The following NEK4 variants were observed in gnomAD, a reference collection of about 807,000 sequenced individuals.
NEK4 encodes the protein serine/threonine-protein kinase Nek4.
A neutral mutation model predicts 98.4 loss-of-function variants in NEK4; 86 were observed. That is an observed-to-expected ratio of 0.87 (90% CI 0.73 to 1.05). The LOEUF is 1.05. NEK4 is among the 50% of genes least tolerant of loss of function. The probability of loss-of-function intolerance (pLI) is 0.00; values close to 1 mark genes in which losing one functional copy is unlikely to be tolerated. For synonymous variants in NEK4, 328 were observed against 342.2 expected (o/e 0.96, Z 0.46); for missense variants, 898 against 950.3 (o/e 0.94, Z 0.72).
At chr3:52,759,044 T>C (rs1172365225) in intron 6 of NEK4, among the ~76,000 whole-genome samples, 1 of 148,062 alleles carries the variant, frequency 6.8e-6, no homozygotes, top group Non-Finnish European at 1.5e-5. Flanking sequence ...TGAGCTATGA[T>C]GATGCCACTA....
intron 4 of NEK4, among the ~76,000 whole-genome samples, chr3:52,764,286 A>C (rs77755210): frequency 7.9e-6 from 1 of 126,962 alleles, no homozygotes. Flanking sequence ...ACTCTGTCTC[A>C]AAAAAAAAAA....
Position 52,711,878 on chromosome 3 carries a change from GAAAC to G in NEK4, c.2434-13_2434-10del. On this transcript the variant is annotated splice_polypyrimidine_tract_variant and intron_variant, in intron 15 of 15. Coordinates refer to ENST00000233027, the MANE Select transcript of NEK4 (RefSeq NM_003157.6). ...TGCTCCCGCAAACGTACCTATTTGA[GAAAC>G]AAAAAGAAAATCAATCAGTATGTAG... 6.6e-7 allele frequency: 1 copy of G among 1,516,106 alleles called. No individual in the cohort carries two copies. The highest frequency in any genetic ancestry group is 9.1e-7 in the Non-Finnish European group (1 of 1,097,066). The allele number at this position is 1,516,106 out of a possible 1,614,324, so 93.9% of individuals were successfully genotyped here.
rs778893338 is a variant in NEK4, at chr3:52,709,903, T to A, written c.*1874A>T. 2.0e-5 allele frequency: 3 copies of A among 152,204 alleles called. No individual in the cohort carries two copies. Among genetic ancestry groups the A allele is most frequent in the Non-Finnish European group, 4.4e-5 (3 of 68,036 alleles). 9.4% of individuals were successfully genotyped at this position (152,204 alleles called of 1,614,324 possible). ...TTTGTTCCCAACTGGGCATTGGGAC[T>A]TGATGGTTTTGCAAGTTGAGTTCTA... On this transcript the variant is annotated 3_prime_UTR_variant, in exon 16 of 16. Coordinates refer to ENST00000233027, the MANE Select transcript of NEK4 (RefSeq NM_003157.6).
rs2097349976 is a variant in NEK4 at position 52,711,153 on chromosome 3, T to A, written c.*624A>T. On this transcript the variant is annotated 3_prime_UTR_variant, in exon 16 of 16. Transcript: ENST00000233027. ...CATACTGATTTACAAAGCCAATGTG[T>A]CTCAGTTTTAATTTGTATATACCCT... is the stretch of plus-strand genomic sequence containing the variant. The A allele has an allele frequency of 6.6e-6, 1 of 152,494 alleles. No individual in the cohort carries two copies. The highest frequency in any genetic ancestry group is 2.4e-5 in the African/African-American group (1 of 41,454). The allele number at this position is 152,494 out of a possible 1,614,324, so 9.4% of individuals were successfully genotyped here. A position where few individuals can be genotyped will look rare whatever the true frequency, so the allele number is the denominator to read the frequency against.
chr3:52,725,026 A>G (rs2154102432), intron 15 of NEK4, among the ~76,000 whole-genome samples: 1 of 152,348 alleles, frequency 6.6e-6, no homozygotes, highest in Admixed American at 6.5e-5. Context: ...AAAAGCTAGT[A>G]TTATTGTAAC....
chr3:52,713,725 C>T (rs535971834), intron 15 of NEK4, among the ~76,000 whole-genome samples: 2 of 141,610 alleles, frequency 1.4e-5, no homozygotes, highest in East Asian at 4.2e-4. Flanking sequence ...ACCCGCGAGG[C>T]GGAGGTTGCG....
intron 13 of NEK4, 78 bp from the exon 14 acceptor site, chr3:52,739,712 C>T (rs1472255890): frequency 2.4e-6 from 3 of 1,251,404 alleles, no homozygotes; most frequent in Non-Finnish European, 3.5e-6. Flanking sequence ...TGCAAAACGA[C>T]CTTTCGGGAA....
rs1418234312 is a variant in NEK4 at position 52,766,169 on chromosome 3, C to G, written c.558+9G>C. The G allele has an allele frequency of 6.2e-7, 1 of 1,611,844 alleles. No individual in the cohort carries two copies. The highest frequency in any genetic ancestry group is 8.5e-7 in the Non-Finnish European group (1 of 1,178,218). On this transcript the variant is annotated intron_variant, in intron 3 of 15. Coordinates refer to ENST00000233027, the MANE Select transcript of NEK4 (RefSeq NM_003157.6). The stretch of plus-strand genomic sequence containing the variant: ...ACAAGGTAAGCCAGCATACAGAGCC[C>G]AATCCTACCTTATAGTTGTAGGGTT...
At chr3:52,721,666 G>A (rs947781673) in intron 15 of NEK4, among the ~76,000 whole-genome samples, 9 of 151,278 alleles carry the variant, frequency 5.9e-5, no homozygotes, top group African/African-American at 1.5e-4. Context: ...AGTCCAGGAC[G>A]CAAAGGCTGC....
intron 3 of NEK4, 33 bp downstream of exon 3, chr3:52,766,145 C>A: frequency 5.7e-6 from 9 of 1,582,096 alleles, no homozygotes; most frequent in Non-Finnish European, 6.9e-6. Flanking sequence ...CTCCCAGAGA[C>A]AAGGTAAGCC....
chr3:52,738,382 C>T (rs559094916), intron 14 of NEK4, among the ~76,000 whole-genome samples: 117 of 150,868 alleles, frequency 7.8e-4, no homozygotes, highest in African/African-American at 2.6e-3. Flanking sequence ...AGATTACAGG[C>T]ATGATGATAC....
At chr3:52,718,472 CAAAAAAA>C (rs35974184) in intron 15 of NEK4, among the ~76,000 whole-genome samples, 1 of 92,430 alleles carries the variant, frequency 1.1e-5, no homozygotes, top group Non-Finnish European at 2.2e-5. Flanking sequence ...GACTCCGTCT[CAAAAAAA>C]AAAAAAAAAA....
intron 15 of NEK4, 131 bp downstream of exon 15, chr3:52,737,455 T>C: frequency 1.1e-6 from 1 of 936,146 alleles, no homozygotes; most frequent in Non-Finnish European, 1.7e-6. Context: ...TGTACAATGT[T>C]GTAAACACAT....
At chr3:52,761,584 C>T (rs148832290) in intron 5 of NEK4, among the ~76,000 whole-genome samples, 1 of 152,252 alleles carries the variant, frequency 6.6e-6, no homozygotes, top group East Asian at 1.9e-4. Context: ...CCATGCATGG[C>T]CAAGTCAATA....
At position 52,739,493 on chromosome 3, in the gene NEK4, T is replaced by A; in HGVS notation, c.2235A>T (p.Thr745=). 1.2e-6 allele frequency: 2 copies of A among 1,614,162 alleles called. No homozygotes were observed. Among genetic ancestry groups the A allele is most frequent in the Non-Finnish European group, 1.7e-6 (2 of 1,179,982 alleles). ...CTGCAACCTTCCCATGAAGTATCAG[T>A]GTGTCCCGATATTTCCGATGAAGTT... The part of the protein sequence containing the change: ...EFKLHRKYRD[T]LILHGKVAEE... The change falls in exon 14 of 16, where the codon ACA becomes ACT. Residue 745 remains threonine (T), a synonymous_variant. Coordinates refer to ENST00000233027, the MANE Select transcript of NEK4 (RefSeq NM_003157.6).
Position 52,739,440 on chromosome 3 carries a change from T to A in NEK4, c.2288A>T (p.Glu763Val). The change falls in exon 14 of 16, where the codon GAG becomes GTG. Residue 763 changes from glutamate (E) to valine (V), a missense_variant. Physicochemically the swap from Glu to Val is moderately radical, Grantham distance 121. Transcript: ENST00000233027. Reference sequence around the variant, plus strand: ...AATAAGCTGATCACCTGAAGGTAGCTCTTTAAAATGGATTTCCTCTGCCTC... The same window carrying A: ...AATAAGCTGATCACCTGAAGGTAGCACTTTAAAATGGATTTCCTCTGCCTC... The part of the protein sequence containing the change: ...AEEAEEIHFK[E>V]LPSAIMPGSE... The A allele has an allele frequency of 6.2e-7, 1 of 1,613,720 alleles. No homozygotes were observed. The highest frequency in any genetic ancestry group is 2.2e-5 in the East Asian group (1 of 44,872).
At chr3:52,744,528 A>C (rs1451019103) in intron 10 of NEK4, among the ~76,000 whole-genome samples, 2 of 152,040 alleles carry the variant, frequency 1.3e-5, no homozygotes, top group Non-Finnish European at 2.9e-5. Context: ...TACTAAAAAT[A>C]CAAAAATTAG....
At chr3:52,746,973 G>A in intron 8 of NEK4, 69 bp from the exon 9 acceptor site, 3 of 1,263,898 alleles carry the variant, frequency 2.4e-6, no homozygotes, top group Non-Finnish European at 1.1e-6. Context: ...AAAGTAAGTT[G>A]TCCATAAAAA....
At chr3:52,760,964 T>C (rs1266444236) in intron 5 of NEK4, 28 bp from the exon 6 acceptor site, 1 of 1,437,706 alleles carries the variant, frequency 7.0e-7, no homozygotes, top group East Asian at 2.3e-5. Context: ...GAAAGAGTTA[T>C]TATCAATATA....
Sources: allele counts gnomAD v4.1 joint callset (sites outside exome capture counted in the v4.1 genomes callset), GRCh38; gene constraint gnomAD v4.1.1; transcripts MANE v1.5; gene names NCBI Gene and HGNC (gene_info 2026-07-23, HGNC 2026-07-21).